Variants in CLEC16A observed in about 807,000 individuals in gnomAD.
CLEC16A encodes the protein C-type lectin domain containing 16A.
Under a neutral mutation model 109.5 loss-of-function variants are expected in CLEC16A, and 51 were observed. That is an observed-to-expected ratio of 0.47 (90% confidence interval 0.37 to 0.59). The LOEUF is 0.59. Ranked by LOEUF, CLEC16A falls within the 20% of genes least tolerant of loss-of-function variation. CLEC16A has a pLI of 0.00. For missense variants in CLEC16A, 1,339 were observed against 1,394.0 expected, an observed-to-expected ratio of 0.96 and a Z score of 0.63; for synonymous variants, 673 against 564.2, an observed-to-expected ratio of 1.19 and a Z score of -2.73.
At chr16:11,004,187 T>C (rs2152755856) in intron 11 of CLEC16A, among the ~76,000 whole-genome samples, 1 of 152,174 alleles carries the variant, frequency 6.6e-6, no homozygotes, top group East Asian at 1.9e-4. Flanking sequence ...CTCGTTGAGA[T>C]GCTAAAACCT....
chr16:10,950,509 C>A (rs1179219578), intron 1 of CLEC16A, among the ~76,000 whole-genome samples: 7 of 152,236 alleles, frequency 4.6e-5, no homozygotes, highest in African/African-American at 1.7e-4. Flanking sequence ...CCCTACACAT[C>A]CCCGGCCCAG....
At chr16:11,054,508 T>C (rs2048109997) in intron 18 of CLEC16A, among the ~76,000 whole-genome samples, 2 of 152,192 alleles carry the variant, frequency 1.3e-5, no homozygotes, top group South Asian at 4.1e-4. Context: ...GAAGCACAGA[T>C]AGAGAATATC....
At chr16:11,021,825 T>C (rs541398830) in intron 12 of CLEC16A, among the ~76,000 whole-genome samples, 60 of 152,228 alleles carry the variant, frequency 3.9e-4, no homozygotes, top group African/African-American at 1.3e-3. Flanking sequence ...TTTAGGTGAA[T>C]ACTGTCATGA....
intron 18 of CLEC16A, among the ~76,000 whole-genome samples, chr16:11,058,319 A>G (rs2048313359): frequency 6.6e-6 from 1 of 152,246 alleles, no homozygotes; most frequent in Admixed American, 6.5e-5. Flanking sequence ...CAAGGATACC[A>G]AAATCCACAG....
At chr16:10,973,879 G>C (rs1297824390) in intron 7 of CLEC16A, among the ~76,000 whole-genome samples, 1 of 133,750 alleles carries the variant, frequency 7.5e-6, no homozygotes, top group African/African-American at 3.0e-5. Context: ...CAAGTAAGGG[G>C]CTGCTTGCTT....
intron 19 of CLEC16A, among the ~76,000 whole-genome samples, chr16:11,063,005 C>T (rs896938384): frequency 1.3e-5 from 2 of 152,188 alleles, no homozygotes; most frequent in African/African-American, 4.8e-5. Flanking sequence ...TTCTCTCCTC[C>T]CCCTAGGAAT....
At chr16:11,012,998 C>T (rs2045529164) in intron 11 of CLEC16A, among the ~76,000 whole-genome samples, 1 of 152,140 alleles carries the variant, frequency 6.6e-6, no homozygotes, top group Non-Finnish European at 1.5e-5. Context: ...ACCATCCTGT[C>T]ACAGGACAAA....
At chr16:10,991,565 C>T (rs981577526) in intron 10 of CLEC16A, among the ~76,000 whole-genome samples, 4 of 152,056 alleles carry the variant, frequency 2.6e-5, no homozygotes, top group African/African-American at 7.2e-5. Flanking sequence ...AACAAGTGTC[C>T]AAGGGACATG....
intron 22 of CLEC16A, among the ~76,000 whole-genome samples, chr16:11,151,839 G>A (rs2054302641): frequency 6.6e-6 from 1 of 152,190 alleles, no homozygotes; most frequent in African/African-American, 2.4e-5. Context: ...GGCCGGCTGG[G>A]GAAGGGGCTC....
chr16:11,006,882 TC>T (rs2045054504), intron 11 of CLEC16A, among the ~76,000 whole-genome samples: 2 of 138,640 alleles, frequency 1.4e-5, no homozygotes, highest in Non-Finnish European at 3.2e-5. Context: ...AATGGGTGAC[TC>T]ATTCTGCAAC....
intron 19 of CLEC16A, among the ~76,000 whole-genome samples, chr16:11,061,459 G>A (rs535855573): frequency 6.6e-6 from 1 of 152,216 alleles, no homozygotes; most frequent in Admixed American, 6.5e-5. Context: ...AAGGATGAAG[G>A]CTTTGGAGGC....
At chr16:11,121,378 C>G (rs890776177) in intron 20 of CLEC16A, among the ~76,000 whole-genome samples, 8 of 152,150 alleles carry the variant, frequency 5.3e-5, no homozygotes, top group Non-Finnish European at 1.0e-4. Flanking sequence ...CAAGGTTTCC[C>G]TAGGCAGATA....
intron 21 of CLEC16A, among the ~76,000 whole-genome samples, chr16:11,125,295 G>C (rs908098186): frequency 1.6e-4 from 25 of 151,966 alleles, no homozygotes; most frequent in African/African-American, 6.0e-4. Flanking sequence ...TTTATTTTCA[G>C]AGAGTTTTTT....
At position 11,049,478 on chromosome 16, in the gene CLEC16A, TTTTG is replaced by T. The variant is rs59518471; in HGVS notation, c.1867-2011_1867-2008del. Among the ~76,000 whole-genome samples the T allele has an allele frequency of 1.8e-3, 279 of 151,046 alleles. 2 individuals carry two copies. The highest frequency in any genetic ancestry group is 5.7e-3 in the African/African-American group (235 of 41,116). Reference sequence around the variant, plus strand: ...CCACCATGGGGAGCTTCCCAGGTTTTTTTGTTTGTTTGTTTGTTTGTTTGTTTTA... The same window carrying T: ...CCACCATGGGGAGCTTCCCAGGTTTTTTTGTTTGTTTGTTTGTTTGTTTTA... On this transcript the variant is annotated intron_variant, in intron 17 of 23. Coordinates refer to ENST00000409790, the MANE Select transcript of CLEC16A (RefSeq NM_015226.3).
intron 11 of CLEC16A, among the ~76,000 whole-genome samples, chr16:11,004,370 G>C (rs151201686): frequency 6.6e-6 from 1 of 152,300 alleles, no homozygotes; most frequent in Non-Finnish European, 1.5e-5. Context: ...TAGAAGTGGA[G>C]CTGGGGCTCT....
rs528103708 is a variant in CLEC16A at position 11,045,483 on chromosome 16, C to G, written c.1815+1411C>G. ...CTTACTGGATGACCTCATTACCTCCCAAAGGCCCTACCTACTAATCCCATC... is the reference window on the plus strand; with the variant it reads ...CTTACTGGATGACCTCATTACCTCCGAAAGGCCCTACCTACTAATCCCATC... On this transcript the variant is annotated intron_variant, in intron 16 of 23. Coordinates refer to ENST00000409790, the MANE Select transcript of CLEC16A (RefSeq NM_015226.3). Among the ~76,000 whole-genome samples the G allele has an allele frequency of 2.0e-5, 3 of 152,188 alleles. No individual in the cohort carries two copies. In the South Asian group the frequency reaches 6.2e-4, roughly 32 times the overall value.
intron 12 of CLEC16A, among the ~76,000 whole-genome samples, chr16:11,023,284 A>G (rs1180603587): frequency 6.6e-6 from 1 of 152,162 alleles, no homozygotes; most frequent in Non-Finnish European, 1.5e-5. Flanking sequence ...ATGATACTTC[A>G]TCTCATAAAA....
chr16:11,028,564 T>G (rs892935489), intron 13 of CLEC16A, among the ~76,000 whole-genome samples: 18 of 151,532 alleles, frequency 1.2e-4, no homozygotes, highest in Admixed American at 1.0e-3. Context: ...AAAAAGAAGC[T>G]CTAATTATTG....
chr16:10,994,446 C>G (rs2147155089), intron 10 of CLEC16A, among the ~76,000 whole-genome samples: 1 of 152,320 alleles, frequency 6.6e-6, no homozygotes, highest in Non-Finnish European at 1.5e-5. Context: ...CTCTGCTGCA[C>G]TCATCACCCG....
Sources: gnomAD v4.1 joint callset for allele counts (sites outside exome capture counted in the v4.1 genomes callset) on GRCh38, gnomAD v4.1.1 for gene constraint, MANE v1.5 for transcripts, NCBI Gene and HGNC (gene_info 2026-07-23, HGNC 2026-07-21) for gene names.